The following RBFOX1 variants were observed in gnomAD, a reference collection of about 807,000 sequenced individuals.
RBFOX1 encodes the protein RNA binding fox-1 homolog 1, also known as RNA binding protein fox-1 homolog 1.
RBFOX1 carries 8 observed loss-of-function variants against 57.7 expected under a neutral mutation model. The observed-to-expected ratio is 0.14, with a 90% CI of 0.08 to 0.25. The LOEUF (loss-of-function observed/expected upper bound fraction) is 0.25, where lower values mean the gene tolerates loss of function less well. Among genes scored for constraint, RBFOX1 ranks in the 10% least tolerant of loss-of-function variants. The probability of loss-of-function intolerance (pLI) is 1.00; values close to 1 mark genes in which losing one functional copy is unlikely to be tolerated. For synonymous variants in RBFOX1, 326 were observed against 222.4 expected (o/e 1.47, Z -4.15); for missense variants, 611 against 548.5 (o/e 1.11, Z -1.14).
At chr16:6,690,476 G>GA (rs994081152) in intron 3 of RBFOX1, among the ~76,000 whole-genome samples, 1 of 151,700 alleles carries the variant, frequency 6.6e-6, no homozygotes, top group Non-Finnish European at 1.5e-5. Flanking sequence ...TAACATTAAA[G>GA]AAAAAAATAA....
chr16:6,383,069 G>A (rs79197787), intron 2 of RBFOX1, among the ~76,000 whole-genome samples: 1 of 152,142 alleles, frequency 6.6e-6, no homozygotes, highest in Admixed American at 6.5e-5. Context: ...GTTTGTTAAG[G>A]TTGCCCAGTC....
intron 4 of RBFOX1, among the ~76,000 whole-genome samples, chr16:7,361,992 TTA>T (rs969192413): frequency 6.6e-6 from 1 of 151,826 alleles, no homozygotes; most frequent in African/African-American, 2.4e-5. Flanking sequence ...TGTATGTGTG[TTA>T]GTGTGTGTAT....
intron 15 of RBFOX1, chr16:7,710,402 T>A: frequency 9.4e-6 from 13 of 1,389,290 alleles, no homozygotes; most frequent in Non-Finnish European, 1.2e-5. Flanking sequence ...GAGGACTGGC[T>A]GACAGAATTT....
chr16:6,955,420 T>G (rs2081591306), intron 3 of RBFOX1, among the ~76,000 whole-genome samples: 2 of 151,978 alleles, frequency 1.3e-5, no homozygotes, highest in Non-Finnish European at 2.9e-5. Context: ...ACTTACTGAT[T>G]AATTTTATGA....
At chr16:7,649,946 A>AAGGGAGAGGAGAGGAAGAAG (rs967351092) in intron 11 of RBFOX1, among the ~76,000 whole-genome samples, 3 of 151,374 alleles carry the variant, frequency 2.0e-5, no homozygotes, top group Non-Finnish European at 4.4e-5. Flanking sequence ...TAAAGAAATG[A>AAGGGAGAGGAGAGGAAGAAG]AGGGAGAGGA....
At chr16:5,882,651 A>T (rs751705468) in intron 4 of RBFOX1, among the ~76,000 whole-genome samples, 11 of 152,188 alleles carry the variant, frequency 7.2e-5, no homozygotes, top group Non-Finnish European at 1.5e-4. Context: ...CACAGTAGCC[A>T]AGCTCACGCC....
At position 7,085,878 on chromosome 16, in the gene RBFOX1, C is replaced by T. The variant is rs138747728; in HGVS notation, c.27+33780C>T. On this transcript the variant is annotated intron_variant, in intron 4 of 15. Coordinates refer to ENST00000550418, the MANE Select transcript of RBFOX1 (RefSeq NM_018723.4). ...TCCTGCATCCCAGGAAACCGTTCTG[C>T]CCCATCAAACCAGGATGGTTGGTGA... 3.0e-3 allele frequency among the ~76,000 whole-genome samples: 453 copies of T among 152,320 alleles called. 3 individuals carry two copies. The highest frequency in any genetic ancestry group is 0.01 in the African/African-American group (419 of 41,574).
At chr16:6,263,740 C>G (rs570231535) in intron 1 of RBFOX1, among the ~76,000 whole-genome samples, 2 of 152,200 alleles carry the variant, frequency 1.3e-5, no homozygotes, top group South Asian at 2.1e-4. Context: ...TTGTCATTAT[C>G]TCCTACAAAG....
intron 3 of RBFOX1, among the ~76,000 whole-genome samples, chr16:6,717,012 C>G (rs2064963973): frequency 6.6e-6 from 1 of 152,162 alleles, no homozygotes; most frequent in East Asian, 1.9e-4. Flanking sequence ...AGCTTGCTTT[C>G]TCTCTTTTCT....
intron 2 of RBFOX1, among the ~76,000 whole-genome samples, chr16:6,366,273 C>T (rs28613017): frequency 0.026 from 3,902 of 152,126 alleles, 159 homozygotes; most frequent in African/African-American, 0.089. Flanking sequence ...TTGTTTTTCC[C>T]TTGCTTTTGA....
chr16:5,814,487 C>A (rs1170154031), intron 3 of RBFOX1, among the ~76,000 whole-genome samples: 1 of 152,162 alleles, frequency 6.6e-6, no homozygotes, highest in African/African-American at 2.4e-5. Context: ...TTAGTTGAAT[C>A]TTCCCCAGAA....
At chr16:6,685,801 A>C (rs754284542) in intron 3 of RBFOX1, among the ~76,000 whole-genome samples, 1 of 152,080 alleles carries the variant, frequency 6.6e-6, no homozygotes, top group Non-Finnish European at 1.5e-5. Context: ...AACAGCCTTC[A>C]CTCAATGTTG....
chr16:6,414,482 G>C (rs1596866816), intron 2 of RBFOX1, among the ~76,000 whole-genome samples: 1 of 152,206 alleles, frequency 6.6e-6, no homozygotes, highest in South Asian at 2.1e-4. Flanking sequence ...GCTGTTGGGA[G>C]AGAGGCAGAT....
chr16:7,541,406 T>G (rs2082896135), intron 5 of RBFOX1, among the ~76,000 whole-genome samples: 1 of 152,176 alleles, frequency 6.6e-6, no homozygotes, highest in Non-Finnish European at 1.5e-5. Flanking sequence ...AGATTGCTCC[T>G]TTCTGCTATG....
intron 2 of RBFOX1, among the ~76,000 whole-genome samples, chr16:6,515,856 T>G (rs2096366470): frequency 6.6e-6 from 1 of 152,170 alleles, no homozygotes; most frequent in South Asian, 2.1e-4. Context: ...TGAATTTCAC[T>G]CTATCCTTTA....
At chr16:7,295,905 G>A (rs193067406) in intron 4 of RBFOX1, among the ~76,000 whole-genome samples, 14 of 152,304 alleles carry the variant, frequency 9.2e-5, no homozygotes, top group African/African-American at 3.4e-4. Flanking sequence ...TGTGGTTCAG[G>A]AAACTCAGAA....
chr16:7,091,477 G>C (rs144562638), intron 4 of RBFOX1, among the ~76,000 whole-genome samples: 1 of 151,500 alleles, frequency 6.6e-6, no homozygotes, highest in Non-Finnish European at 1.5e-5. Flanking sequence ...CGGGGAGAGA[G>C]TTATGCCAGG....
chr16:6,842,085 G>C (rs111879156), intron 3 of RBFOX1, among the ~76,000 whole-genome samples: 3 of 151,884 alleles, frequency 2.0e-5, no homozygotes, highest in Non-Finnish European at 4.4e-5. Context: ...GGAACTTGCA[G>C]TGAGCGGAGA....
At chr16:6,896,920 TGAAA>T (rs1461692405) in intron 3 of RBFOX1, among the ~76,000 whole-genome samples, 1 of 151,946 alleles carries the variant, frequency 6.6e-6, no homozygotes, top group African/African-American at 2.4e-5. Flanking sequence ...ATGCATTTGG[TGAAA>T]GAAAGCAAAG....
Sources: allele counts gnomAD v4.1 joint callset (sites outside exome capture counted in the v4.1 genomes callset), GRCh38; gene constraint gnomAD v4.1.1; transcripts MANE v1.5; gene names NCBI Gene and HGNC (gene_info 2026-07-23, HGNC 2026-07-21).